The following RABGEF1 variants were observed in gnomAD, a reference collection of about 807,000 sequenced individuals.
RABGEF1 encodes RAB guanine nucleotide exchange factor 1, also known as rab5 GDP/GTP exchange factor.
RABGEF1 carries 26 observed loss-of-function variants against 57.3 expected under a neutral mutation model. That is an observed-to-expected ratio of 0.45 (90% CI 0.33 to 0.63). RABGEF1 has a LOEUF of 0.63. Among genes scored for constraint, RABGEF1 ranks in the 20% least tolerant of loss-of-function variants. The probability of loss-of-function intolerance (pLI) is 0.02; values close to 1 mark genes in which losing one functional copy is unlikely to be tolerated. For missense variants in RABGEF1, 464 were observed against 607.6 expected (o/e 0.76, Z 2.48); for synonymous variants, 185 against 210.7 (o/e 0.88, Z 1.06).
In RABGEF1 at chr7:66,805,380, A is replaced by G; in HGVS notation, c.1061A>G (p.Tyr354Cys). 1.2e-6 allele frequency: 2 copies of G among 1,614,174 alleles called. No homozygotes were observed. The highest frequency in any genetic ancestry group is 1.1e-5 in the South Asian group (1 of 91,074). ...CGACTGATGACTGGAGAGGATGGCTACTATTTCACCAATCTGGTGAGTAAG... is the reference window on the plus strand; with the variant it reads ...CGACTGATGACTGGAGAGGATGGCTGCTATTTCACCAATCTGGTGAGTAAG... ...PSRLMTGEDG[Y>C]YFTNLCCAVA... Residue 354 changes from tyrosine to cysteine, a missense_variant, in exon 8 of 9, where the codon TAC becomes TGC. Tyr to Cys is a radical substitution (Grantham distance 194). This residue lies in a region of RABGEF1 where 284 missense variants were observed against 389.9 expected (regional missense o/e 0.73). Coordinates refer to ENST00000284957, the MANE Select transcript of RABGEF1 (RefSeq NM_014504.3).
rs371459837 is a variant in RABGEF1 at position 66,697,626 on chromosome 7, A to G, written c.-872-14541A>G. Among the ~76,000 whole-genome samples the G allele has an allele frequency of 5.9e-5, 9 of 152,166 alleles. No homozygotes were observed. In the East Asian group the frequency reaches 1.7e-3, roughly 30 times the overall value. ...GGCTTGCCTGCCTGCCAGAGTAGGC[A>G]GGATATTCTTGGCCTCACCATTCAC... On this transcript the variant is annotated intron_variant and NMD_transcript_variant, in intron 1 of 9. Coordinates refer to the RABGEF1 transcript ENST00000607882.
intron 1 of RABGEF1, among the ~76,000 whole-genome samples, chr7:66,742,766 C>G (rs555899485): frequency 6.6e-5 from 10 of 152,192 alleles, no homozygotes; most frequent in African/African-American, 9.6e-5. Context: ...GCCACCACAC[C>G]CAGCTGATTT....
chr7:66,695,714 C>T (rs1792221237), intron 1 of RABGEF1, among the ~76,000 whole-genome samples: 1 of 152,118 alleles, frequency 6.6e-6, no homozygotes, highest in South Asian at 2.1e-4. Context: ...ATCTGTAATC[C>T]TAGCACTTTG....
chr7:66,784,359 A>C (rs1848168), intron 4 of RABGEF1, among the ~76,000 whole-genome samples: 10 of 152,216 alleles, frequency 6.6e-5, no homozygotes, highest in African/African-American at 1.7e-4. Context: ...GTTGAGAGCC[A>C]AAGAGGATAA....
intron 1 of RABGEF1, among the ~76,000 whole-genome samples, chr7:66,691,051 A>T: frequency 6.6e-6 from 1 of 152,142 alleles, no homozygotes; most frequent in East Asian, 1.9e-4. Flanking sequence ...TGATCGTGCC[A>T]CTGCACTCCA....
intron 2 of RABGEF1, among the ~76,000 whole-genome samples, chr7:66,729,171 C>T (rs1355190536): frequency 2.0e-5 from 3 of 151,824 alleles, no homozygotes; most frequent in East Asian, 1.9e-4. Context: ...AGGATTGTCT[C>T]GATCTCCTGA....
the RABGEF1 span, among the ~76,000 whole-genome samples, chr7:66,659,056 A>G: frequency 6.6e-5 from 10 of 152,140 alleles, no homozygotes; most frequent in Admixed American, 1.3e-4. Context: ...ACACTAACTC[A>G]TTCTATGAGG....
At chr7:66,795,685 T>A in intron 5 of RABGEF1, 93 bp downstream of exon 5, 1 of 1,228,696 alleles carries the variant, frequency 8.1e-7, no homozygotes, top group Non-Finnish European at 1.2e-6. Context: ...ATGGTCTGGC[T>A]GGTTTGTAGA....
chr7:66,711,649 C>T (rs1049095021), intron 1 of RABGEF1, among the ~76,000 whole-genome samples: 1 of 151,762 alleles, frequency 6.6e-6, no homozygotes, highest in East Asian at 1.9e-4. Context: ...TGCAGTGGCA[C>T]AATCTCGGCT....
At chr7:66,667,398 C>G in the RABGEF1 span, 1 of 152,304 alleles carries the variant, frequency 6.6e-6, no homozygotes, top group Non-Finnish European at 1.5e-5. Context: ...GGGAATGCAG[C>G]CTCGGTGGAA....
chr7:66,797,477 G>A lies in RABGEF1; in HGVS notation c.699G>A (p.Lys233=). 1.2e-6 allele frequency: 2 copies of A among 1,610,712 alleles called. No individual in the cohort carries two copies. Among genetic ancestry groups the A allele is most frequent in the Non-Finnish European group, 8.5e-7 (1 of 1,179,450 alleles). ...VFCPETTDDE[K]KDLAIQKRIR... ...GTCCAGAAACTACTGATGATGAGAA[G>A]AAAGATCTTGCCATTCAAAAGAGAA... The change falls in exon 6 of 9, where the codon AAG becomes AAA. Residue 233 remains lysine, a synonymous_variant. Transcript: ENST00000284957.
chr7:66,707,209 G>C (rs770155792), intron 1 of RABGEF1, among the ~76,000 whole-genome samples: 13 of 152,262 alleles, frequency 8.5e-5, no homozygotes, highest in Middle Eastern at 3.4e-3. Context: ...AATTACTTCA[G>C]ATTTTAACAA....
At chr7:66,767,479 A>G (rs533270983) in intron 1 of RABGEF1, among the ~76,000 whole-genome samples, 10 of 152,160 alleles carry the variant, frequency 6.6e-5, no homozygotes, top group Admixed American at 1.3e-4. Flanking sequence ...ATTCTTTCCT[A>G]CCCCTAGTTC....
intron 2 of RABGEF1, chr7:66,773,741 C>T (rs568217949): frequency 7.9e-5 from 36 of 453,804 alleles, no homozygotes; most frequent in African/African-American, 6.2e-4. Context: ...TTTCAACTTA[C>T]TGCAACCTCT....
At chr7:66,779,667 G>T (rs1809397708) in intron 3 of RABGEF1, among the ~76,000 whole-genome samples, 1 of 139,072 alleles carries the variant, frequency 7.2e-6, no homozygotes. Flanking sequence ...GCGAGACCCT[G>T]ATTAAAAAAA....
chr7:66,782,528 G>A (rs557993447), intron 3 of RABGEF1, among the ~76,000 whole-genome samples: 1 of 150,896 alleles, frequency 6.6e-6, no homozygotes, highest in South Asian at 2.1e-4. Flanking sequence ...GAGTGTAGTG[G>A]GATGATCTCG....
upstream of RABGEF1, chr7:66,740,443 T>TCGGAAGC (rs771499102): frequency 2.6e-5 from 4 of 151,726 alleles, no homozygotes; most frequent in Non-Finnish European, 4.4e-5. Flanking sequence ...CTGTTGCGCG[T>TCGGAAGC]CGGAAGCCGG....
upstream of RABGEF1, among the ~76,000 whole-genome samples, chr7:66,737,542 A>T (rs1255303647): frequency 6.6e-6 from 1 of 152,156 alleles, no homozygotes; most frequent in African/African-American, 2.4e-5. Flanking sequence ...AGCAGTGGTT[A>T]CCAGACTTCT....
chr7:66,698,443 G>A (rs1399878116), intron 1 of RABGEF1, among the ~76,000 whole-genome samples: 2 of 152,316 alleles, frequency 1.3e-5, no homozygotes, highest in Admixed American at 6.5e-5. Flanking sequence ...CCCACCATGG[G>A]CTCACCTGGG....
Sources: allele counts gnomAD v4.1 joint callset (sites outside exome capture counted in the v4.1 genomes callset), GRCh38; gene constraint gnomAD v4.1.1; regional missense constraint gnomAD v4.1.1; transcripts MANE v1.5; gene names NCBI Gene and HGNC (gene_info 2026-07-23, HGNC 2026-07-21).